The following PDS5B variants were observed in gnomAD, a reference collection of about 807,000 sequenced individuals.
The protein encoded by PDS5B is PDS5 cohesin associated factor B.
A neutral mutation model predicts 184.1 loss-of-function variants in PDS5B; 51 were observed. That is an observed-to-expected ratio of 0.28 (90% CI 0.22 to 0.35). The LOEUF (loss-of-function observed/expected upper bound fraction) is 0.35. PDS5B is among the 10% of genes least tolerant of loss of function. The pLI, the probability that PDS5B is intolerant of heterozygous loss-of-function variation, is 1.00. For missense variants in PDS5B, 1,180 were observed against 1,723.3 expected (o/e 0.68, Z 5.58); for synonymous variants, 566 against 569.2 (o/e 0.99, Z 0.08).
At chr13:32,598,126 G>C (rs988248033) in intron 1 of PDS5B, among the ~76,000 whole-genome samples, 2 of 151,742 alleles carry the variant, frequency 1.3e-5, no homozygotes, top group East Asian at 1.9e-4. Context: ...CCTAGGCTGG[G>C]GTGCAGTGGT....
Position 32,770,534 on chromosome 13 carries a change from C to T in PDS5B, c.4038C>T (p.His1346=), listed in dbSNP as rs757045134. ...NTEQKSKSKQ[H]RVSRRAQQRA... ...AACAGAAGTCCAAAAGCAAACAGCA[C>T]CGAGTGTCAAGGAGAGCACAGCAGA... The change falls in exon 32 of 35, where the codon CAC becomes CAT. Residue 1346 remains histidine (H), a synonymous_variant. Transcript: ENST00000315596. 2.5e-6 allele frequency: 4 copies of T among 1,609,166 alleles called. No homozygotes were observed. Among genetic ancestry groups the T allele is most frequent in the South Asian group, 1.1e-5 (1 of 89,966 alleles).
intron 15 of PDS5B, among the ~76,000 whole-genome samples, chr13:32,699,448 A>G (rs1951803314): frequency 6.6e-6 from 1 of 152,200 alleles, no homozygotes. Context: ...TCAGGTTGAC[A>G]TTTGATGCCT....
intron 5 of PDS5B, 119 bp from the exon 6 acceptor site, chr13:32,659,035 G>T: frequency 1.8e-6 from 1 of 555,122 alleles, no homozygotes; most frequent in Non-Finnish European, 2.8e-6. Context: ...AATATACATA[G>T]AATTTTATTT....
chr13:32,658,298 A>G lies in PDS5B; in HGVS notation c.372A>G (p.Gln124=), dbSNP rs2301393. The G allele has an allele frequency of 0.39, 591,162 of 1,497,724 alleles. 121,721 individuals are homozygous for G. Among genetic ancestry groups the G allele is most frequent in the Non-Finnish European group, 0.43 (459,948 of 1,078,818 alleles). 92.8% of individuals were successfully genotyped at this position (1,497,724 alleles called of 1,614,324 possible). A position where few individuals can be genotyped will look rare whatever the true frequency, so the allele number is the denominator to read the frequency against. The change falls in exon 4 of 35, where the codon CAA becomes CAG. Residue 124 remains glutamine (Q), a synonymous_variant. Transcript: ENST00000315596. ...GGCTAGAGGATACAAAGAGCCCACA[A>G]TTCAATAGGTATTTTTATTTACTTG... is the stretch of plus-strand genomic sequence containing the variant. The part of the protein sequence containing the change: ...LKGLEDTKSP[Q]FNRYFYLLEN...
intron 15 of PDS5B, among the ~76,000 whole-genome samples, chr13:32,697,757 C>G (rs1170156189): frequency 3.3e-5 from 5 of 152,184 alleles, no homozygotes; most frequent in Non-Finnish European, 5.9e-5. Flanking sequence ...TTGCCCAGGG[C>G]TGGAGTGCAG....
At chr13:32,725,527 G>A (rs1410816356) in intron 19 of PDS5B, among the ~76,000 whole-genome samples, 2 of 152,150 alleles carry the variant, frequency 1.3e-5, no homozygotes, top group Non-Finnish European at 2.9e-5. Context: ...TAATGGGAAT[G>A]GTATTAAGAA....
chr13:32,748,131 A>T (rs1953827289), intron 24 of PDS5B, among the ~76,000 whole-genome samples: 1 of 152,230 alleles, frequency 6.6e-6, no homozygotes, highest in Admixed American at 6.5e-5. Context: ...ACTTAGAAAC[A>T]TATCAAATTA....
chr13:32,760,939 G>A (rs1417147346), intron 30 of PDS5B, among the ~76,000 whole-genome samples: 1 of 152,162 alleles, frequency 6.6e-6, no homozygotes, highest in African/African-American at 2.4e-5. Context: ...CTTGTTGGGG[G>A]TAATCTGTGT....
chr13:32,677,957 CAT>C (rs1951116992), intron 9 of PDS5B, among the ~76,000 whole-genome samples: 1 of 151,858 alleles, frequency 6.6e-6, no homozygotes, highest in African/African-American at 2.4e-5. Context: ...AGCTAAACAT[CAT>C]GTGCTTCCTG....
At chr13:32,718,313 G>C (rs1381856867) in intron 19 of PDS5B, among the ~76,000 whole-genome samples, 1 of 152,064 alleles carries the variant, frequency 6.6e-6, no homozygotes, top group African/African-American at 2.4e-5. Flanking sequence ...ACCATGCCCG[G>C]CTAATTTTTT....
chr13:32,770,411 G>C lies in PDS5B; in HGVS notation c.3915G>C (p.Glu1305Asp), dbSNP rs1954740861. 6.2e-7 allele frequency: 1 copy of C among 1,610,868 alleles called. No individual in the cohort carries two copies. The highest frequency in any genetic ancestry group is 8.5e-7 in the Non-Finnish European group (1 of 1,178,906). Residue 1305 changes from glutamate to aspartate, a missense_variant, in exon 32 of 35, where the codon GAG becomes GAC. Physicochemically the swap from Glu to Asp is conservative, Grantham distance 45 (BLOSUM62 2). Around this residue, in one of 11 missense-constraint regions of PDS5B, gnomAD observed 465 missense variants for 497.8 expected, o/e 0.93. Coordinates refer to ENST00000315596, the MANE Select transcript of PDS5B (RefSeq NM_015032.4). ...KPLGGGTPKEEPTMKTSKKGS... is the reference protein window; with the variant it reads ...KPLGGGTPKEDPTMKTSKKGS... ...TTGGTGGAGGTACACCAAAAGAAGA[G>C]CCAACAATGAAAACTTCTAAAAAAG...
In PDS5B at chr13:32,744,280, T is replaced by TA. The variant is rs546172225; in HGVS notation, c.2612+1554dup. 2.1e-3 allele frequency among the ~76,000 whole-genome samples: 318 copies of TA among 152,304 alleles called. 1 individual carries two copies. The highest frequency in any genetic ancestry group is 3.5e-3 in the Non-Finnish European group (238 of 67,996). ...AATGTAATTGGAATAATACCCAGTA[T>TA]ATAATGTCACTTATGCTGTGTTTTG... On this transcript the variant is annotated intron_variant, in intron 23 of 34. Coordinates refer to ENST00000315596, the MANE Select transcript of PDS5B (RefSeq NM_015032.4).
intron 1 of PDS5B, among the ~76,000 whole-genome samples, chr13:32,590,507 G>A (rs369194778): frequency 7.2e-5 from 11 of 152,306 alleles, no homozygotes; most frequent in African/African-American, 2.4e-4. Flanking sequence ...TTCAGTGGCA[G>A]TTGAGGTTGC....
chr13:32,609,588 T>C (rs1188520468), intron 1 of PDS5B, among the ~76,000 whole-genome samples: 1 of 152,234 alleles, frequency 6.6e-6, no homozygotes, highest in Non-Finnish European at 1.5e-5. Context: ...GCCTGGATTG[T>C]TTCCACTGAC....
intron 1 of PDS5B, among the ~76,000 whole-genome samples, chr13:32,593,265 TA>T (rs1323289186): frequency 6.6e-6 from 1 of 152,230 alleles, no homozygotes; most frequent in Non-Finnish European, 1.5e-5. Flanking sequence ...GCGAAGGGGT[TA>T]GGGGCACCAA....
intron 6 of PDS5B, among the ~76,000 whole-genome samples, chr13:32,663,224 T>C (rs192837405): frequency 2.6e-5 from 4 of 152,134 alleles, no homozygotes; most frequent in Admixed American, 2.6e-4. Flanking sequence ...GTGGCAAATA[T>C]TCCTAACTTT....
intron 19 of PDS5B, among the ~76,000 whole-genome samples, chr13:32,721,391 C>G (rs1323464131): frequency 6.6e-6 from 1 of 151,786 alleles, no homozygotes; most frequent in African/African-American, 2.4e-5. Context: ...GGCGGGGGTG[C>G]CCCTCACTTC....
intron 19 of PDS5B, among the ~76,000 whole-genome samples, chr13:32,727,757 A>G (rs892983536): frequency 2.6e-5 from 4 of 152,016 alleles, no homozygotes; most frequent in Admixed American, 2.6e-4. Context: ...ATGCCTTGAA[A>G]TGGTTTATCT....
chr13:32,674,492 T>G (rs982194399), intron 8 of PDS5B, among the ~76,000 whole-genome samples: 1 of 152,078 alleles, frequency 6.6e-6, no homozygotes, highest in Admixed American at 6.6e-5. Context: ...TAGCCACACC[T>G]CTAATTATTT....
Sources: allele counts gnomAD v4.1 joint callset (sites outside exome capture counted in the v4.1 genomes callset), GRCh38; gene constraint gnomAD v4.1.1; regional missense constraint gnomAD v4.1.1; transcripts MANE v1.5; gene names NCBI Gene and HGNC (gene_info 2026-07-23, HGNC 2026-07-21).